AFF3: variants seen among roughly 807,000 people sequenced by gnomAD.
AFF3 encodes the protein AF4/FMR2 family member 3.
AFF3 carries 32 observed loss-of-function variants against 129.7 expected under a neutral mutation model. The observed-to-expected ratio is 0.25, with a 90% CI of 0.19 to 0.33. AFF3 has a LOEUF of 0.33. Ranked by LOEUF, AFF3 falls within the 10% of genes least tolerant of loss-of-function variation. The pLI, the probability that AFF3 is intolerant of heterozygous loss-of-function variation, is 1.00. For missense variants in AFF3, 1,373 were observed against 1,592.0 expected (o/e 0.86, Z 2.34); for synonymous variants, 644 against 635.4 (o/e 1.01, Z -0.20).
At chr2:100,111,722 G>A (rs1166336375) in intron 2 of AFF3, among the ~76,000 whole-genome samples, 4 of 152,180 alleles carry the variant, frequency 2.6e-5, no homozygotes, top group African/African-American at 9.7e-5. Flanking sequence ...AGAAGTTTAC[G>A]AAAACAACTA....
chr2:100,004,127 C>T (rs377715169), intron 7 of AFF3, among the ~76,000 whole-genome samples: 1 of 152,142 alleles, frequency 6.6e-6, no homozygotes, highest in African/African-American at 2.4e-5. Context: ...TTCCAGCCCC[C>T]AAATTCTTCA....
Position 99,547,655 on chromosome 2 carries a change from T to C in AFF3, c.*3819A>G, listed in dbSNP as rs1674129319. 9.5e-6 allele frequency: 2 copies of C among 210,146 alleles called. No individual in the cohort carries two copies. The highest frequency in any genetic ancestry group is 1.4e-4 in the East Asian group (2 of 13,894). The allele number at this position is 210,146 out of a possible 1,614,324, so 13.0% of individuals were successfully genotyped here. On this transcript the variant is annotated 3_prime_UTR_variant, in exon 25 of 25. Transcript: ENST00000672756. Reference sequence around the variant, plus strand: ...ATTAATTTTATAACAATTACTGCACTTCCAAGTTGATGCGAACACGCAGTG... The same window carrying C: ...ATTAATTTTATAACAATTACTGCACCTCCAAGTTGATGCGAACACGCAGTG...
chr2:99,562,896 C>G (rs941088186), intron 20 of AFF3, among the ~76,000 whole-genome samples: 1 of 152,120 alleles, frequency 6.6e-6, no homozygotes, highest in Admixed American at 6.5e-5. Flanking sequence ...CTGGTGCCAC[C>G]GGGGCTTCAG....
intron 4 of AFF3, among the ~76,000 whole-genome samples, chr2:100,056,811 G>T (rs1686825195): frequency 6.6e-6 from 1 of 152,086 alleles, no homozygotes; most frequent in Admixed American, 6.5e-5. Flanking sequence ...TTATATACAG[G>T]CAACCACACT....
chr2:99,783,371 C>A (rs530229315), intron 8 of AFF3, among the ~76,000 whole-genome samples: 1 of 152,178 alleles, frequency 6.6e-6, no homozygotes, highest in Non-Finnish European at 1.5e-5. Flanking sequence ...TGTCTGGGGA[C>A]GCTGGGTAGA....
intron 11 of AFF3, among the ~76,000 whole-genome samples, chr2:99,713,109 G>C (rs879881199): frequency 1.3e-5 from 2 of 152,116 alleles, no homozygotes; most frequent in Non-Finnish European, 2.9e-5. Context: ...TTGTTTAATG[G>C]GCACAGAGTT....
chr2:99,593,810 G>C lies in AFF3; in HGVS notation c.1851C>G (p.Ser617Arg). Residue 617 changes from serine (S) to arginine (R), a missense_variant, in exon 15 of 25, where the codon AGC becomes AGG. Coordinates refer to ENST00000672756, the MANE Select transcript of AFF3 (RefSeq NM_001386135.1). ...TGGTGGGCTCCGGGGGGACCACCAC[G>C]CTCGTCCCCAGCGCGTCCGCGGCCG... is the stretch of plus-strand genomic sequence containing the variant. ...EPAAADALGT[S>R]VVVPPEPTKT... 6.2e-7 allele frequency: 1 copy of C among 1,610,414 alleles called. No homozygotes were observed. Among genetic ancestry groups the C allele is most frequent in the Non-Finnish European group, 8.5e-7 (1 of 1,179,178 alleles).
At chr2:100,000,541 CATA>C (rs891778519) in intron 7 of AFF3, among the ~76,000 whole-genome samples, 12 of 151,988 alleles carry the variant, frequency 7.9e-5, no homozygotes, top group Admixed American at 6.6e-5. Flanking sequence ...CATACACAAA[CATA>C]AAATCACTCT....
chr2:99,584,643 T>C (rs1258867102), intron 16 of AFF3, among the ~76,000 whole-genome samples: 1 of 152,196 alleles, frequency 6.6e-6, no homozygotes. Flanking sequence ...GTTTGCAATG[T>C]ATATTATATT....
intron 11 of AFF3, among the ~76,000 whole-genome samples, chr2:99,680,365 G>T (rs894638760): frequency 3.7e-4 from 57 of 152,194 alleles, no homozygotes; most frequent in African/African-American, 1.4e-3. Context: ...CAGTATTAAA[G>T]AATTGAGTTT....
rs573315404 is a variant in AFF3, at chr2:100,008,726, C to G, written c.174+86G>C. 4 of 1,479,960 alleles carry G rather than the reference C, an allele frequency of 2.7e-6. No homozygotes were observed. The Admixed American group carries it at 8.0e-5, about 30-fold the overall frequency. 91.7% of individuals were successfully genotyped at this position (1,479,960 alleles called of 1,614,324 possible). ...GACAGAAGATGCAGTCAAGTTTGGTCGGCCAATTCTTTTAGTCAAGGCCAC... is the reference window on the plus strand; with the variant it reads ...GACAGAAGATGCAGTCAAGTTTGGTGGGCCAATTCTTTTAGTCAAGGCCAC... On this transcript the variant is annotated intron_variant, in intron 5 of 24. Transcript: ENST00000672756.
At chr2:99,950,890 T>C (rs7425800) in intron 7 of AFF3, among the ~76,000 whole-genome samples, 2,233 of 152,282 alleles carry the variant, frequency 0.015, 63 homozygotes, top group African/African-American at 0.051. Context: ...AAAATTAAGA[T>C]AATGAGACTA....
chr2:99,635,136 T>C (rs765964243), intron 13 of AFF3, among the ~76,000 whole-genome samples: 4 of 151,864 alleles, frequency 2.6e-5, no homozygotes, highest in Non-Finnish European at 5.9e-5. Context: ...GTATATGATA[T>C]ATACACATAT....
intron 8 of AFF3, among the ~76,000 whole-genome samples, chr2:99,793,397 C>CA (rs1176605046): frequency 6.6e-6 from 1 of 152,178 alleles, no homozygotes; most frequent in East Asian, 1.9e-4. Context: ...CATTCCTTTA[C>CA]AGCAACACAA....
chr2:99,817,895 A>G (rs961114970), intron 8 of AFF3, among the ~76,000 whole-genome samples: 1 of 152,076 alleles, frequency 6.6e-6, no homozygotes, highest in South Asian at 2.1e-4. Context: ...CTCTAAATTC[A>G]CTCAGAAGTG....
At chr2:99,575,707 C>T (rs1676928005) in intron 18 of AFF3, among the ~76,000 whole-genome samples, 1 of 152,166 alleles carries the variant, frequency 6.6e-6, no homozygotes, top group Non-Finnish European at 1.5e-5. Context: ...ATCTATCTCT[C>T]CATATGATGG....
At chr2:99,642,405 A>G (rs1237506294) in intron 13 of AFF3, among the ~76,000 whole-genome samples, 1 of 151,412 alleles carries the variant, frequency 6.6e-6, no homozygotes, top group African/African-American at 2.4e-5. Flanking sequence ...AGGCATGAAC[A>G]CCTCTTTGAG....
rs560440454 is a variant in AFF3 at position 99,954,623 on chromosome 2, G to A, written c.873+52009C>T. On this transcript the variant is annotated intron_variant, in intron 7 of 24. Coordinates refer to ENST00000672756, the MANE Select transcript of AFF3 (RefSeq NM_001386135.1). ...AGTTCATGTCCTTTGTAGGGGCATG[G>A]ATGAAATTGGAAATCATCATTCTCA... Among the ~76,000 whole-genome samples the A allele has an allele frequency of 3.3e-4, 50 of 151,930 alleles. No homozygotes were observed. The East Asian group carries it at 8.9e-3, about 27-fold the overall frequency.
chr2:100,120,717 G>C (rs1559135437), intron 2 of AFF3, among the ~76,000 whole-genome samples: 1 of 152,108 alleles, frequency 6.6e-6, no homozygotes, highest in Non-Finnish European at 1.5e-5. Flanking sequence ...CTGGAGTGCA[G>C]TGATGTGATC....
Sources: gnomAD v4.1 joint callset for allele counts (sites outside exome capture counted in the v4.1 genomes callset) on GRCh38, gnomAD v4.1.1 for gene constraint, MANE v1.5 for transcripts, NCBI Gene and HGNC (gene_info 2026-07-23, HGNC 2026-07-21) for gene names.